The following EMILIN1 variants were observed in gnomAD, a reference collection of about 807,000 sequenced individuals.
EMILIN1 encodes the protein EMILIN-1.
EMILIN1 carries 49 observed loss-of-function variants against 82.4 expected under a neutral mutation model. The observed-to-expected ratio is 0.59, with a 90% CI of 0.47 to 0.75. The LOEUF is 0.75. Ranked by LOEUF, EMILIN1 falls within the 30% of genes least tolerant of loss-of-function variation. The pLI is 0.00. For missense variants in EMILIN1, 1,313 were observed against 1,366.4 expected, an observed-to-expected ratio of 0.96 and a Z score of 0.62; for synonymous variants, 604 against 602.2, an observed-to-expected ratio of 1.00 and a Z score of -0.04.
In EMILIN1 at chr2:27,079,057, C is replaced by T. The variant is rs150606069; in HGVS notation, c.-9C>T. 3.7e-4 allele frequency: 568 copies of T among 1,540,920 alleles called. 3 individuals are homozygous for T. In the African/African-American group the frequency reaches 6.8e-3, roughly 18 times the overall value. ...TGAGTCTCTGAGGGCCACTGTGGAG[C>T]GCCCCGCCATGGCCCCCCGCACCCT... is the stretch of plus-strand genomic sequence containing the variant. On this transcript the variant is annotated 5_prime_UTR_variant, in exon 1 of 8. Transcript: ENST00000380320.
Position 27,082,270 on chromosome 2 carries a change from G to A in EMILIN1, c.699G>A (p.Val233=), listed in dbSNP as rs1241418309. 11 of 1,613,228 alleles carry A rather than the reference G, an allele frequency of 6.8e-6. No homozygotes were observed. The highest frequency in any genetic ancestry group is 9.3e-6 in the Non-Finnish European group (11 of 1,179,944). The change falls in exon 4 of 8, where the codon GTG becomes GTA. Residue 233 remains valine (V), a synonymous_variant. Coordinates refer to ENST00000380320, the MANE Select transcript of EMILIN1 (RefSeq NM_007046.4). ...QPADAAARPG[V]HETLNEIQHQ... is the part of the protein sequence containing the mutation. Reference sequence around the variant, plus strand: ...CTGACGCGGCTGCCCGCCCTGGGGTGCATGAAACCCTCAATGAGATCCAGC... The same window carrying A: ...CTGACGCGGCTGCCCGCCCTGGGGTACATGAAACCCTCAATGAGATCCAGC...
Position 27,083,636 on chromosome 2 carries a change from A to C in EMILIN1, c.2065A>C (p.Ile689Leu), listed in dbSNP as rs758850018. Residue 689 changes from isoleucine (I) to leucine (L), a missense_variant, in exon 4 of 8, where the codon ATT (isoleucine) becomes CTT (leucine). Physicochemically the swap from Ile to Leu is conservative, Grantham distance 5. Coordinates refer to ENST00000380320, the MANE Select transcript of EMILIN1 (RefSeq NM_007046.4). ...AACCAAGGACCGTATCATTTCTGAG[A>C]TTAACAGGCTGCAGCAGGAGGCCAC... ...GATKDRIISE[I>L]NRLQQEATEH... 4 of 1,612,232 alleles carry C rather than the reference A, an allele frequency of 2.5e-6. No homozygotes were observed. In the East Asian group the frequency reaches 6.7e-5, roughly 27 times the overall value.
At chr2:27,084,916 G>A in intron 5 of EMILIN1, 75 bp from the exon 6 acceptor site, 9 of 1,386,928 alleles carry the variant, frequency 6.5e-6, no homozygotes, top group Non-Finnish European at 8.2e-6. Context: ...CAACAGGAGA[G>A]CCTCAGCAGA....
chr2:27,081,515 G>C (rs904636079), intron 3 of EMILIN1, among the ~76,000 whole-genome samples: 11 of 152,034 alleles, frequency 7.2e-5, no homozygotes, highest in African/African-American at 2.2e-4. Context: ...AGGAACTCCT[G>C]GCCAACTCTC....
intron 2 of EMILIN1, 29 bp downstream of exon 2, chr2:27,080,299 T>C (rs1355507589): frequency 6.2e-7 from 1 of 1,612,030 alleles, no homozygotes; most frequent in Non-Finnish European, 8.5e-7. Context: ...CAACGGGCCC[T>C]TGGTGGGAAC....
In EMILIN1 at chr2:27,084,456, C is replaced by T; in HGVS notation, c.2482C>T (p.Gln828Ter). 2 of 1,612,810 alleles carry T rather than the reference C, an allele frequency of 1.2e-6. No homozygotes were observed. Among genetic ancestry groups the T allele is most frequent in the Non-Finnish European group, 8.5e-7 (1 of 1,179,696 alleles). ...EAGPPGPPGL[Q>*]GPPGPAGPPG... ...TGGGCCCCCAGGGCCTCCTGGGCTG[C>T]AGGGACCCCCAGGCCCTGCTGGACC... The change falls in exon 5 of 8, where the codon CAG (glutamine) becomes TAG (stop). Residue 828 changes from glutamine to a stop codon, truncating the protein, a stop_gained. Transcript: ENST00000380320. LOFTEE classifies it high-confidence loss of function.
rs892802479 is a variant in EMILIN1, at chr2:27,086,361, TA to T, written c.*349del. 6 of 266,664 alleles carry T rather than the reference TA, an allele frequency of 2.3e-5. No homozygotes were observed. The highest frequency in any genetic ancestry group is 4.2e-5 in the Non-Finnish European group (6 of 142,170). The allele number at this position is 266,664 out of a possible 1,614,324, so 16.5% of individuals were successfully genotyped here. ...GCGCGGGCGCCGCCCACCGCCATAC[TA>T]AACGATCGAGGAATAAAGACACTTG... On this transcript the variant is annotated 3_prime_UTR_variant, in exon 8 of 8. Transcript: ENST00000380320.
chr2:27,084,892 C>T (rs1365655353), intron 5 of EMILIN1, 99 bp from the exon 6 acceptor site: 14 of 1,155,472 alleles, frequency 1.2e-5, no homozygotes, highest in Non-Finnish European at 1.8e-5. Flanking sequence ...TTGAAGTCCA[C>T]GTAGCACCGA....
chr2:27,080,076 C>T (rs544455501), intron 1 of EMILIN1, 75 bp from the exon 2 acceptor site: 4 of 1,559,962 alleles, frequency 2.6e-6, no homozygotes, highest in East Asian at 2.3e-5. Context: ...TTCTTCAGCC[C>T]CTCTGGTAGC....
rs909006810 is a variant in EMILIN1 at position 27,084,594 on chromosome 2, C to T, written c.2557+63C>T. 1.5e-5 allele frequency: 14 copies of T among 951,552 alleles called. 1 individual carries two copies. The highest frequency in any genetic ancestry group is 1.9e-5 in the Non-Finnish European group (11 of 588,016). 58.9% of individuals were successfully genotyped at this position (951,552 alleles called of 1,614,324 possible). On this transcript the variant is annotated intron_variant, in intron 5 of 7. Transcript: ENST00000380320. ...CACTGCCCCCTCCAACCCTGACCCC[C>T]GCTGGCAGCCCCAGGCTTGACATTC...
chr2:27,080,677 C>G, intron 2 of EMILIN1, 55 bp from the exon 3 acceptor site: 3 of 1,470,482 alleles, frequency 2.0e-6, no homozygotes, highest in Non-Finnish European at 2.8e-6. Flanking sequence ...GGACAGGGAC[C>G]AGGGTCACTG....
chr2:27,083,738 T>G lies in EMILIN1; in HGVS notation c.2167T>G (p.Leu723Val), dbSNP rs1217374752. The G allele has an allele frequency of 6.2e-7, 1 of 1,613,444 alleles. No individual in the cohort carries two copies. The highest frequency in any genetic ancestry group is 1.3e-5 in the African/African-American group (1 of 74,918). Residue 723 changes from leucine to valine, a missense_variant, in exon 4 of 8, where the codon TTA becomes GTA. Coordinates refer to ENST00000380320, the MANE Select transcript of EMILIN1 (RefSeq NM_007046.4). ...AGCACAGGCCGGCCAGTGCCCCAGC[T>G]TAGAGGGGCGATTGGGCCGTCTTGA... Reference protein sequence around the residue: ...GQAQAGQCPSLEGRLGRLEGV... With the variant: ...GQAQAGQCPSVEGRLGRLEGV...
At position 27,079,021 on chromosome 2, in the gene EMILIN1, G is replaced by A; in HGVS notation, c.-45G>A. ...CCCGGGGCCGGCAGAGGCGCCAGTGGCTGGGCGGGATGAGTCTCTGAGGGC... is the reference window on the plus strand; with the variant it reads ...CCCGGGGCCGGCAGAGGCGCCAGTGACTGGGCGGGATGAGTCTCTGAGGGC... On this transcript the variant is annotated 5_prime_UTR_variant, in exon 1 of 8. Transcript: ENST00000380320. 1 of 1,453,842 alleles carries A rather than the reference G, an allele frequency of 6.9e-7. No homozygotes were observed. The highest frequency in any genetic ancestry group is 9.1e-7 in the Non-Finnish European group (1 of 1,095,384). 90.1% of individuals were successfully genotyped at this position (1,453,842 alleles called of 1,614,324 possible).
In EMILIN1 at chr2:27,079,044, G is replaced by T; in HGVS notation, c.-22G>T. The T allele has an allele frequency of 6.6e-7, 1 of 1,522,734 alleles. No individual in the cohort carries two copies. Among genetic ancestry groups the T allele is most frequent in the Non-Finnish European group, 8.8e-7 (1 of 1,139,906 alleles). 94.3% of individuals were successfully genotyped at this position (1,522,734 alleles called of 1,614,324 possible). ...TGGCTGGGCGGGATGAGTCTCTGAG[G>T]GCCACTGTGGAGCGCCCCGCCATGG... is the stretch of plus-strand genomic sequence containing the variant. On this transcript the variant is annotated 5_prime_UTR_variant, in exon 1 of 8. Coordinates refer to ENST00000380320, the MANE Select transcript of EMILIN1 (RefSeq NM_007046.4).
chr2:27,085,775 C>T lies in EMILIN1; in HGVS notation c.2811C>T (p.Asn937=). ...EKVEAVLSRS[N]QGVARVDSGG... is the part of the protein sequence containing the mutation. ...TGGAGGCCGTGCTGTCCCGCTCCAA[C>T]CAGGGCGTGGCCCGCGTAGACTCCG... The change falls in exon 8 of 8, where the codon AAC becomes AAT. Residue 937 remains asparagine (N), a synonymous_variant. Coordinates refer to ENST00000380320, the MANE Select transcript of EMILIN1 (RefSeq NM_007046.4). 6.2e-7 allele frequency: 1 copy of T among 1,612,778 alleles called. No homozygotes were observed. The highest frequency in any genetic ancestry group is 8.5e-7 in the Non-Finnish European group (1 of 1,179,854).
rs1479183729 is a variant in EMILIN1, at chr2:27,086,000, G to A, written c.3036G>A (p.Glu1012=). Residue 1012 remains glutamate, a synonymous_variant, in exon 8 of 8, where the codon GAG becomes GAA. Transcript: ENST00000380320. The part of the protein sequence containing the change: ...FSGALLYGDP[E]LEHA ...GGGCCCTGCTCTATGGGGACCCAGA[G>A]CTTGAACACGCGTAGACTGGGGTCC... 2 of 1,458,284 alleles carry A rather than the reference G, an allele frequency of 1.4e-6. No homozygotes were observed. Among genetic ancestry groups the A allele is most frequent in the Non-Finnish European group, 1.8e-6 (2 of 1,097,498 alleles). The allele number at this position is 1,458,284 out of a possible 1,614,324, so 90.3% of individuals were successfully genotyped here. A position where few individuals can be genotyped will look rare whatever the true frequency, so the allele number is the denominator to read the frequency against.
Position 27,085,010 on chromosome 2 carries a change from T to G in EMILIN1, c.2575+2T>G, listed in dbSNP as rs756589467. 6.2e-7 allele frequency: 1 copy of G among 1,613,866 alleles called. No homozygotes were observed. Among genetic ancestry groups the G allele is most frequent in the Non-Finnish European group, 8.5e-7 (1 of 1,179,778 alleles). ...TCACAGGTCCTCAAGGTGAACAGGG[T>G]GAGTGCCTTTCATTTGATTCTGGAG... is the stretch of plus-strand genomic sequence containing the variant. On this transcript the variant is annotated splice_donor_variant, in intron 6 of 7. Coordinates refer to ENST00000380320, the MANE Select transcript of EMILIN1 (RefSeq NM_007046.4). LOFTEE classifies it high-confidence loss of function.
At position 27,082,675 on chromosome 2, in the gene EMILIN1, G is replaced by T; in HGVS notation, c.1104G>T (p.Arg368Ser). 3.9e-6 allele frequency: 6 copies of T among 1,554,714 alleles called. No homozygotes were observed. Among genetic ancestry groups the T allele is most frequent in the Non-Finnish European group, 3.5e-6 (4 of 1,153,162 alleles). The change falls in exon 4 of 8, where the codon AGG becomes AGT. Residue 368 changes from arginine (R) to serine (S), a missense_variant. Coordinates refer to ENST00000380320, the MANE Select transcript of EMILIN1 (RefSeq NM_007046.4). ...LGRRLAELERRLDVVAGSVTV... is the reference protein window; with the variant it reads ...LGRRLAELERSLDVVAGSVTV... ...GGCGACTGGCAGAGCTGGAGCGCAG[G>T]CTGGATGTCGTGGCCGGCTCAGTGA... is the stretch of plus-strand genomic sequence containing the variant.
At position 27,084,921 on chromosome 2, in the gene EMILIN1, A is replaced by C. The variant is rs1016040325; in HGVS notation, c.2558-70A>C. 1.7e-5 allele frequency: 24 copies of C among 1,444,444 alleles called. No individual in the cohort carries two copies. In the African/African-American group the frequency reaches 3.2e-4, roughly 19 times the overall value. The allele number at this position is 1,444,444 out of a possible 1,614,324, so 89.5% of individuals were successfully genotyped here. ...GCACCGAGCACAACAGGAGAGCCTC[A>C]GCAGATGTTTGCTGAGTGACTTAGT... On this transcript the variant is annotated intron_variant, in intron 5 of 7. Transcript: ENST00000380320.
Sources: allele counts gnomAD v4.1 joint callset (sites outside exome capture counted in the v4.1 genomes callset), GRCh38; gene constraint gnomAD v4.1.1; transcripts MANE v1.5; gene names NCBI Gene and HGNC (gene_info 2026-07-23, HGNC 2026-07-21).